SEMA4B: variants seen among roughly 807,000 people sequenced by gnomAD.
The protein encoded by SEMA4B is semaphorin-4B.
Under a neutral mutation model 88.1 loss-of-function variants are expected in SEMA4B, and 55 were observed. The observed-to-expected ratio is 0.62, with a 90% confidence interval of 0.50 to 0.78. SEMA4B has a LOEUF of 0.78. SEMA4B is among the 30% of genes least tolerant of loss of function. SEMA4B has a pLI of 0.00. For missense variants in SEMA4B, 1,062 were observed against 1,111.9 expected, an observed-to-expected ratio of 0.96 and a Z score of 0.64; for synonymous variants, 525 against 473.6, an observed-to-expected ratio of 1.11 and a Z score of -1.41.
At chr15:90,188,008 A>T (rs1960215762) in intron 1 of SEMA4B, among the ~76,000 whole-genome samples, 2 of 150,290 alleles carry the variant, frequency 1.3e-5, no homozygotes, top group Non-Finnish European at 3.0e-5. Flanking sequence ...CCATCTCAAA[A>T]AAAAAAAAAA....
At chr15:90,202,309 C>T (rs1960785876) in intron 1 of SEMA4B, among the ~76,000 whole-genome samples, 1 of 152,054 alleles carries the variant, frequency 6.6e-6, no homozygotes, top group Admixed American at 6.5e-5. Context: ...CAGCTCTGGG[C>T]GCTGACATTC....
At chr15:90,205,687 T>C (rs1960953856) in intron 1 of SEMA4B, among the ~76,000 whole-genome samples, 1 of 152,230 alleles carries the variant, frequency 6.6e-6, no homozygotes, top group Non-Finnish European at 1.5e-5. Flanking sequence ...AGAAACCCCC[T>C]GCCAGCCTTG....
intron 9 of SEMA4B, among the ~76,000 whole-genome samples, 178 bp from the exon 10 acceptor site, chr15:90,224,790 T>TG (rs1007692730): frequency 1.8e-4 from 28 of 152,270 alleles, no homozygotes; most frequent in Middle Eastern, 3.4e-3. Context: ...CCCCGCACCC[T>TG]GGGCTTTGTC....
At chr15:90,198,366 A>G (rs1327770512), upstream of SEMA4B, among the ~76,000 whole-genome samples, 1 of 152,222 alleles carries the variant, frequency 6.6e-6, no homozygotes, top group Non-Finnish European at 1.5e-5. Context: ...TGTGCCAAGC[A>G]CTATTCTAGA....
At chr15:90,185,501 AAG>A (rs754596775) in intron 1 of SEMA4B, among the ~76,000 whole-genome samples, 1 of 152,212 alleles carries the variant, frequency 6.6e-6, no homozygotes, top group Non-Finnish European at 1.5e-5. Context: ...AAGGTGCTAG[AAG>A]GAGAAGGCTA....
At chr15:90,189,040 G>A (rs907324637) in intron 1 of SEMA4B, among the ~76,000 whole-genome samples, 4 of 152,108 alleles carry the variant, frequency 2.6e-5, no homozygotes, top group African/African-American at 4.8e-5. Context: ...CAGCAACCAC[G>A]TCAGTTTCCT....
At chr15:90,227,819 G>A in intron 13 of SEMA4B, 85 bp from the exon 14 acceptor site, 1 of 1,579,846 alleles carries the variant, frequency 6.3e-7, no homozygotes, top group East Asian at 2.2e-5. Flanking sequence ...CGTGGCACCA[G>A]GGGCATAGCC....
At position 90,223,706 on chromosome 15, in the gene SEMA4B, G is replaced by A; in HGVS notation, c.1009G>A (p.Asp337Asn). The A allele has an allele frequency of 6.2e-7, 1 of 1,611,706 alleles. No homozygotes were observed. Among genetic ancestry groups the A allele is most frequent in the Non-Finnish European group, 8.5e-7 (1 of 1,178,420 alleles). Residue 337 changes from aspartate (D) to asparagine (N), a missense_variant, in exon 8 of 14, where the codon GAC becomes AAC. Asp to Asn is a conservative substitution (Grantham distance 23, BLOSUM62 1). Coordinates refer to ENST00000411539, the MANE Select transcript of SEMA4B (RefSeq NM_198925.4). The part of the protein sequence containing the change: ...TLSPSPQDWR[D>N]TLFYGVFTSQ... Reference sequence around the variant, plus strand: ...GAGCCCCAGCCCCCAGGACTGGCGTGACACCCTTTTCTATGGGGTCTTCAC... The same window carrying A: ...GAGCCCCAGCCCCCAGGACTGGCGTAACACCCTTTTCTATGGGGTCTTCAC...
upstream of SEMA4B, among the ~76,000 whole-genome samples, chr15:90,199,890 AGGGGTTTG>A (rs1960641585): frequency 6.6e-6 from 1 of 151,970 alleles, no homozygotes; most frequent in Non-Finnish European, 1.5e-5. Context: ...GGCGGCAGAT[AGGGGTTTG>A]GGTATCACTG....
rs867828227 is a variant in SEMA4B, at chr15:90,225,659, A to G, written c.1522-2A>G. On this transcript the variant is annotated splice_acceptor_variant, in intron 11 of 13. Transcript: ENST00000411539. LOFTEE classifies it high-confidence loss of function. ...TTCTCATCCCCGTGTCTGGCTGTGCAGGGGCTGCTGTATGCGGCCTCACAC... is the reference window on the plus strand; with the variant it reads ...TTCTCATCCCCGTGTCTGGCTGTGCGGGGGCTGCTGTATGCGGCCTCACAC... The G allele has an allele frequency of 6.4e-7, 1 of 1,562,538 alleles. No individual in the cohort carries two copies. The highest frequency in any genetic ancestry group is 8.7e-7 in the Non-Finnish European group (1 of 1,154,666).
At chr15:90,205,693 C>T (rs1341743122) in intron 1 of SEMA4B, among the ~76,000 whole-genome samples, 1 of 152,230 alleles carries the variant, frequency 6.6e-6, no homozygotes, top group Non-Finnish European at 1.5e-5. Flanking sequence ...CCCCTGCCAG[C>T]CTTGCTTGGT....
chr15:90,222,938 A>G (rs1217305407), intron 7 of SEMA4B, among the ~76,000 whole-genome samples: 2 of 133,030 alleles, frequency 1.5e-5, no homozygotes, highest in Admixed American at 7.6e-5. Flanking sequence ...TTTTTTTGGC[A>G]TATGTGTAAC....
chr15:90,198,105 A>G (rs1439933375), upstream of SEMA4B, among the ~76,000 whole-genome samples: 1 of 150,004 alleles, frequency 6.7e-6, no homozygotes, highest in Non-Finnish European at 1.5e-5. Context: ...TTTTTTTTGT[A>G]TTTTTATTAG....
rs542139091 is a variant in SEMA4B, at chr15:90,222,802, G to A, written c.862-757G>A. 3.9e-5 allele frequency among the ~76,000 whole-genome samples: 6 copies of A among 151,928 alleles called. 1 individual carries two copies. Among genetic ancestry groups the A allele is most frequent in the Middle Eastern group, 6.8e-3 (2 of 292 alleles). The stretch of plus-strand genomic sequence containing the variant: ...GTTGTTATGTGAATTATTAATCCAC[G>A]CAAAGCTCTTAGAAATGTGGTGGGC... On this transcript the variant is annotated intron_variant, in intron 7 of 13. Coordinates refer to ENST00000411539, the MANE Select transcript of SEMA4B (RefSeq NM_198925.4).
chr15:90,223,698 A>G lies in SEMA4B; in HGVS notation c.1001A>G (p.Asp334Gly). 1 of 1,612,392 alleles carries G rather than the reference A, an allele frequency of 6.2e-7. No individual in the cohort carries two copies. The highest frequency in any genetic ancestry group is 1.1e-5 in the South Asian group (1 of 90,962). Residue 334 changes from aspartate (D) to glycine (G), a missense_variant, in exon 8 of 14, where the codon GAC becomes GGC. Coordinates refer to ENST00000411539, the MANE Select transcript of SEMA4B (RefSeq NM_198925.4). ...DVFTLSPSPQ[D>G]WRDTLFYGVF... Reference sequence around the variant, plus strand: ...TTCACGCTGAGCCCCAGCCCCCAGGACTGGCGTGACACCCTTTTCTATGGG... The same window carrying G: ...TTCACGCTGAGCCCCAGCCCCCAGGGCTGGCGTGACACCCTTTTCTATGGG...
intron 1 of SEMA4B, among the ~76,000 whole-genome samples, chr15:90,193,743 G>A (rs958952644): frequency 7.2e-5 from 11 of 152,108 alleles, no homozygotes; most frequent in African/African-American, 2.7e-4. Flanking sequence ...GCCAACATCA[G>A]GTACTGTTCT....
chr15:90,185,808 C>T (rs1306635647), intron 1 of SEMA4B, among the ~76,000 whole-genome samples: 2 of 152,118 alleles, frequency 1.3e-5, no homozygotes, highest in African/African-American at 4.8e-5. Flanking sequence ...TGGCCCATCC[C>T]CCCTCATTTT....
At position 90,195,222 on chromosome 15, in the gene SEMA4B, T is replaced by C. The variant is rs140436316; in HGVS notation, c.-121-6236T>C. Among the ~76,000 whole-genome samples the C allele has an allele frequency of 1.0e-3, 158 of 152,160 alleles. 1 individual carries two copies. The highest frequency in any genetic ancestry group is 3.7e-3 in the African/African-American group (155 of 41,522). On this transcript the variant is annotated intron_variant, in intron 1 of 14. Transcript: ENST00000332496. ...GATCCTCCCACCTCAGCCTTTCAAG[T>C]AGCTGGGACTACAGGTGCGCACCAC...
At position 90,203,098 on chromosome 15, in the gene SEMA4B, C is replaced by T. The variant is rs1448365029; in HGVS notation, c.157+1363C>T. On this transcript the variant is annotated intron_variant, in intron 1 of 13. Transcript: ENST00000411539. Reference sequence around the variant, plus strand: ...CAAGGTAGTGAGGATTAAATCAGCTCGTGTTTGAAAAGTCGTTAGGACAGG... The same window carrying T: ...CAAGGTAGTGAGGATTAAATCAGCTTGTGTTTGAAAAGTCGTTAGGACAGG... Among the ~76,000 whole-genome samples, 3 of 152,176 alleles carry T rather than the reference C, an allele frequency of 2.0e-5. No homozygotes were observed. In the East Asian group the frequency reaches 5.8e-4, roughly 29 times the overall value.
Sources: allele counts gnomAD v4.1 joint callset (sites outside exome capture counted in the v4.1 genomes callset), GRCh38; gene constraint gnomAD v4.1.1; transcripts MANE v1.5; gene names NCBI Gene and HGNC (gene_info 2026-07-23, HGNC 2026-07-21).